The following SMPDL3B variants were observed in gnomAD, a reference collection of about 807,000 sequenced individuals.
The protein encoded by SMPDL3B is acid sphingomyelinase-like phosphodiesterase 3b.
In SMPDL3B, 31 loss-of-function variants were observed where a neutral mutation model predicts 37.9. The observed-to-expected ratio is 0.82, with a 90% CI of 0.61 to 1.10. The LOEUF (loss-of-function observed/expected upper bound fraction) is 1.10. SMPDL3B is among the 50% of genes least tolerant of loss of function. The probability of loss-of-function intolerance (pLI) is 0.00; values close to 1 mark genes in which losing one functional copy is unlikely to be tolerated. For synonymous variants in SMPDL3B, 235 were observed against 242.6 expected, an observed-to-expected ratio of 0.97 and a Z score of 0.29; for missense variants, 525 against 597.8, an observed-to-expected ratio of 0.88 and a Z score of 1.27.
At chr1:27,948,878 G>A (rs1267972196) in intron 2 of SMPDL3B, 187 bp from the exon 3 acceptor site, 6 of 1,109,432 alleles carry the variant, frequency 5.4e-6, no homozygotes, top group Non-Finnish European at 5.2e-6. Context: ...ACCCACAGCA[G>A]GAAAATGGCA....
intron 7 of SMPDL3B, 171 bp downstream of exon 7, chr1:27,956,253 C>T (rs879246975): frequency 2.6e-5 from 40 of 1,545,862 alleles, no homozygotes; most frequent in South Asian, 6.2e-5. Flanking sequence ...CACCTGCCAC[C>T]GAGTCAGGGC....
Position 27,945,559 on chromosome 1 carries a change from A to G in SMPDL3B, c.275+114A>G. ...TTAATCCTCACATCAGTCTCACGTGAGGCTGAGGAACCTAAAGCTCAAAGG... is the reference window on the plus strand; with the variant it reads ...TTAATCCTCACATCAGTCTCACGTGGGGCTGAGGAACCTAAAGCTCAAAGG... On this transcript the variant is annotated intron_variant, in intron 2 of 7. Coordinates refer to ENST00000373894, the MANE Select transcript of SMPDL3B (RefSeq NM_014474.4). This position sits in a 1 kb window ranked among gnomAD's most constrained non-coding sequence, Gnocchi z 4.0. 1 of 867,920 alleles carries G rather than the reference A, an allele frequency of 1.2e-6. No homozygotes were observed. The allele number at this position is 867,920 out of a possible 1,614,324, so 53.8% of individuals were successfully genotyped here.
Position 27,945,248 on chromosome 1 carries a change from C to G in SMPDL3B, c.78C>G (p.Ile26Met). Residue 26 changes from isoleucine to methionine, a missense_variant, in exon 2 of 8, where the codon ATC becomes ATG. Transcript: ENST00000373894. This position sits in a 1 kb window ranked among gnomAD's most constrained non-coding sequence, Gnocchi z 4.0. Reference protein sequence around the residue: ...ARAEPGKFWHIADLHLDPDYK... With the variant: ...ARAEPGKFWHMADLHLDPDYK... ...CCCCTGCAGGGAAGTTCTGGCACATCGCTGACCTGCACCTTGACCCTGACT... is the reference window on the plus strand; with the variant it reads ...CCCCTGCAGGGAAGTTCTGGCACATGGCTGACCTGCACCTTGACCCTGACT... 6.2e-7 allele frequency: 1 copy of G among 1,614,132 alleles called. No homozygotes were observed. Among genetic ancestry groups the G allele is most frequent in the African/African-American group, 1.3e-5 (1 of 75,046 alleles).
In SMPDL3B at chr1:27,958,372, T is replaced by C. The variant is rs1005865487; in HGVS notation, c.1006-104T>C. On this transcript the variant is annotated intron_variant, in intron 7 of 7. Coordinates refer to ENST00000373894, the MANE Select transcript of SMPDL3B (RefSeq NM_014474.4). The surrounding 1 kb of genome is among the most constrained non-coding windows in gnomAD (Gnocchi z 5.6). ...CTAAGTGCTCAATAACTACTAGTGG[T>C]CATGGTCACTGCTCTAAAGAACTTG... 8.4e-5 allele frequency: 122 copies of C among 1,444,834 alleles called. No homozygotes were observed. The highest frequency in any genetic ancestry group is 1.1e-4 in the Non-Finnish European group (118 of 1,073,752). The allele number at this position is 1,444,834 out of a possible 1,614,324, so 89.5% of individuals were successfully genotyped here. A position where few individuals can be genotyped will look rare whatever the true frequency, so the allele number is the denominator to read the frequency against.
At chr1:27,936,479 A>G (rs2090308886) in intron 1 of SMPDL3B, 1 of 152,044 alleles carries the variant, frequency 6.6e-6, no homozygotes, top group South Asian at 2.1e-4. Context: ...TGAAAGAAAA[A>G]AATTCTCTTT....
At chr1:27,955,143 G>C (rs1321674081) in intron 5 of SMPDL3B, among the ~76,000 whole-genome samples, 1 of 152,200 alleles carries the variant, frequency 6.6e-6, no homozygotes, top group African/African-American at 2.4e-5. Flanking sequence ...TATTCCAGAT[G>C]AGAAAACAGC....
At position 27,955,580 on chromosome 1, in the gene SMPDL3B, G is replaced by C. The variant is rs1041144299; in HGVS notation, c.691-104G>C. ...GGCCTTCAGGGAGGAGATACATTTG[G>C]GCCTGTCTACCTGCCTTTGGGGCAA... On this transcript the variant is annotated intron_variant, in intron 5 of 7. Coordinates refer to ENST00000373894, the MANE Select transcript of SMPDL3B (RefSeq NM_014474.4). 1.1e-4 allele frequency: 127 copies of C among 1,123,220 alleles called. 1 individual carries two copies. The Middle Eastern group carries it at 1.2e-3, about 10-fold the overall frequency. 69.6% of individuals were successfully genotyped at this position (1,123,220 alleles called of 1,614,324 possible).
Position 27,935,007 on chromosome 1 carries a change from G to A in SMPDL3B, c.-177G>A. 1.7e-6 allele frequency: 1 copy of A among 588,222 alleles called. No homozygotes were observed. The highest frequency in any genetic ancestry group is 1.9e-5 in the African/African-American group (1 of 53,036). 36.4% of individuals were successfully genotyped at this position (588,222 alleles called of 1,614,324 possible). A position where few individuals can be genotyped will look rare whatever the true frequency, so the allele number is the denominator to read the frequency against. ...CTCGGGCCAGCCCAGATCATACCCT[G>A]CTGGGCAAAGGAGGAAGAGCCAGAG... is the stretch of plus-strand genomic sequence containing the variant. On this transcript the variant is annotated 5_prime_UTR_variant, in exon 1 of 8. Transcript: ENST00000373894.
At chr1:27,956,284 T>C (rs1638272748) in intron 7 of SMPDL3B, 5 of 1,516,094 alleles carry the variant, frequency 3.3e-6, no homozygotes, top group Non-Finnish European at 4.4e-6. Context: ...CAAGTCACCT[T>C]TTCCCCTGGA....
At chr1:27,957,380 C>T (rs1638320249) in intron 7 of SMPDL3B, among the ~76,000 whole-genome samples, 1 of 152,082 alleles carries the variant, frequency 6.6e-6, no homozygotes, top group Admixed American at 6.6e-5. Flanking sequence ...TTGGCCTGTG[C>T]AACGGTAGGC....
chr1:27,959,058 A>C lies in SMPDL3B; in HGVS notation c.*220A>C. 1.8e-6 allele frequency: 1 copy of C among 553,882 alleles called. No homozygotes were observed. The allele number at this position is 553,882 out of a possible 1,614,324, so 34.3% of individuals were successfully genotyped here. On this transcript the variant is annotated 3_prime_UTR_variant, in exon 8 of 8. Transcript: ENST00000373894. ...AGACTCTCTCCAAAAACAAACCAGA[A>C]ACAGAAAAGAAATGACGACCCAAGA...
intron 5 of SMPDL3B, 126 bp from the exon 6 acceptor site, chr1:27,955,558 C>T (rs1172573350): frequency 1.1e-6 from 1 of 899,468 alleles, no homozygotes; most frequent in Non-Finnish European, 1.8e-6. Context: ...TCCGGGAGGC[C>T]TTCAGGGAGG....
chr1:27,937,864 C>T (rs1259614328), intron 1 of SMPDL3B, among the ~76,000 whole-genome samples: 2 of 152,188 alleles, frequency 1.3e-5, no homozygotes, highest in African/African-American at 4.8e-5. Context: ...AGCTAAAATA[C>T]GGCCTGGGCA....
chr1:27,950,830 A>T (rs1287416651), intron 3 of SMPDL3B, among the ~76,000 whole-genome samples: 1 of 152,094 alleles, frequency 6.6e-6, no homozygotes, highest in East Asian at 1.9e-4. Flanking sequence ...GCATTTCACT[A>T]TGTTGGCCAG....
rs189315023 is a variant in SMPDL3B at position 27,939,631 on chromosome 1, C to A, written c.61+4387C>A. ...CTCAGGAATTTGAGACCAGACTGGG[C>A]AACATGGCAAACCCCACCTCTACAA... On this transcript the variant is annotated intron_variant, in intron 1 of 7. Transcript: ENST00000373894. Among the ~76,000 whole-genome samples the A allele has an allele frequency of 3.0e-3, 459 of 152,182 alleles. 1 individual carries two copies. The highest frequency in any genetic ancestry group is 5.2e-3 in the Non-Finnish European group (357 of 68,004).
chr1:27,958,704 C>T lies in SMPDL3B; in HGVS notation c.1234C>T (p.Gln412Ter). 1 of 1,613,926 alleles carries T rather than the reference C, an allele frequency of 6.2e-7. No individual in the cohort carries two copies. Among genetic ancestry groups the T allele is most frequent in the South Asian group, 1.1e-5 (1 of 91,092 alleles). Residue 412 changes from glutamine to a stop codon, truncating the protein, a stop_gained, in exon 8 of 8, where the codon CAG becomes TAG. Transcript: ENST00000373894. LOFTEE classifies it low-confidence loss of function (END_TRUNC). This position sits in a 1 kb window ranked among gnomAD's most constrained non-coding sequence, Gnocchi z 5.6. ...GGTCTGCGACGAGGCCTGCAGCATG[C>T]AGCACGTGTGTGCCATGCGCCAGGT... ...AGVCDEACSM[Q>*]HVCAMRQVDI...
At chr1:27,951,905 G>T (rs1243869973) in intron 3 of SMPDL3B, among the ~76,000 whole-genome samples, 3 of 152,218 alleles carry the variant, frequency 2.0e-5, no homozygotes, top group African/African-American at 7.2e-5. Flanking sequence ...TAAAGACTCA[G>T]TCTGCTCCCT....
Position 27,954,458 on chromosome 1 carries a change from G to A in SMPDL3B, c.622G>A (p.Ala208Thr), listed in dbSNP as rs754483043. Residue 208 changes from alanine to threonine, a missense_variant, in exon 5 of 8, where the codon GCG becomes ACG. Coordinates refer to ENST00000373894, the MANE Select transcript of SMPDL3B (RefSeq NM_014474.4). ...YTSNALTADMADPGQQFQWLE... is the reference protein window; with the variant it reads ...YTSNALTADMTDPGQQFQWLE... ...CAGCAATGCGCTGACAGCAGACATG[G>A]CGGACCCTGGCCAGCAGTTCCAGTG... 52 of 1,614,004 alleles carry A rather than the reference G, an allele frequency of 3.2e-5. No homozygotes were observed. In the South Asian group the frequency reaches 5.6e-4, roughly 17 times the overall value.
Position 27,945,555 on chromosome 1 carries a change from C to T in SMPDL3B, c.275+110C>T, listed in dbSNP as rs1009996050. 12 of 907,196 alleles carry T rather than the reference C, an allele frequency of 1.3e-5. No homozygotes were observed. The highest frequency in any genetic ancestry group is 5.6e-4 in the Middle Eastern group (2 of 3,590). The allele number at this position is 907,196 out of a possible 1,614,324, so 56.2% of individuals were successfully genotyped here. ...TCCCTTAATCCTCACATCAGTCTCA[C>T]GTGAGGCTGAGGAACCTAAAGCTCA... On this transcript the variant is annotated intron_variant, in intron 2 of 7. Transcript: ENST00000373894. The surrounding 1 kb of genome is among the most constrained non-coding windows in gnomAD (Gnocchi z 4.0).
Sources: gnomAD v4.1 joint callset for allele counts (sites outside exome capture counted in the v4.1 genomes callset) on GRCh38, gnomAD v4.1.1 for gene constraint, Gnocchi (gnomAD v3.1) non-coding constraint, MANE v1.5 for transcripts, NCBI Gene and HGNC (gene_info 2026-07-23, HGNC 2026-07-21) for gene names.